The following DCHS2 variants were observed in gnomAD, a reference collection of about 807,000 sequenced individuals.
The protein encoded by DCHS2 is protocadherin-23.
A neutral mutation model predicts 182.4 loss-of-function variants in DCHS2; 142 were observed. The observed-to-expected ratio is 0.78, with a 90% CI of 0.68 to 0.89. The LOEUF (loss-of-function observed/expected upper bound fraction) is 0.89. Among genes scored for constraint, DCHS2 ranks in the 40% least tolerant of loss-of-function variants. The probability of loss-of-function intolerance (pLI) is 0.00; values close to 1 mark genes in which losing one functional copy is unlikely to be tolerated. For synonymous variants in DCHS2, 1,740 were observed against 1,663.3 expected (o/e 1.05, Z -1.12); for missense variants, 4,319 against 4,198.6 (o/e 1.03, Z -0.79).
chr4:154,379,735 G>C (rs1204778800), intron 1 of DCHS2, among the ~76,000 whole-genome samples: 1 of 152,086 alleles, frequency 6.6e-6, no homozygotes, highest in African/African-American at 2.4e-5. Context: ...ATACATGCAG[G>C]AGCTACAACT....
Position 154,297,958 on chromosome 4 carries a change from G to C in DCHS2, c.6356C>G (p.Ala2119Gly). Residue 2119 changes from alanine (A) to glycine (G), a missense_variant, in exon 13 of 20, where the codon GCC (alanine) becomes GGC (glycine). Physicochemically the swap from Ala to Gly is moderately conservative, Grantham distance 60. Coordinates refer to ENST00000357232, the MANE Select transcript of DCHS2 (RefSeq NM_001358235.2). ...GACCAAGAGACCCGTGGTTGTCCTG[G>C]CTGGAATGCCCTGGTCTGTAACTTT... ...QLKVTDQGIP[A>G]RTTTGLLVIH... The C allele has an allele frequency of 6.2e-7, 1 of 1,614,080 alleles. No homozygotes were observed. The highest frequency in any genetic ancestry group is 8.5e-7 in the Non-Finnish European group (1 of 1,179,992).
At position 154,483,664 on chromosome 4, in the gene DCHS2, A is replaced by G. The variant is rs546382927; in HGVS notation, c.2052+5640T>C. 2.6e-5 allele frequency among the ~76,000 whole-genome samples: 4 copies of G among 152,330 alleles called. No homozygotes were observed. In the East Asian group the frequency reaches 5.8e-4, roughly 22 times the overall value. On this transcript the variant is annotated intron_variant, in intron 1 of 19. Coordinates refer to ENST00000357232, the MANE Select transcript of DCHS2 (RefSeq NM_001358235.2). ...GTGCCTTAATGCCTGGGACTGTGGC[A>G]TGGGAGGCTGAATATCTCAGAAGCT... is the stretch of plus-strand genomic sequence containing the variant.
At chr4:154,357,251 T>TAAAAAAACAGTAA in intron 3 of DCHS2, 1 of 1,613,430 alleles carries the variant, frequency 6.2e-7, no homozygotes, top group East Asian at 2.2e-5. Flanking sequence ...AAAACATCTC[T>TAAAAAAACAGTAA]AAACTGTTCA....
At chr4:154,399,898 C>G (rs1188432059) in intron 1 of DCHS2, among the ~76,000 whole-genome samples, 1 of 152,184 alleles carries the variant, frequency 6.6e-6, no homozygotes, top group African/African-American at 2.4e-5. Flanking sequence ...TGTGAATGAG[C>G]TGTGAGAGGG....
chr4:154,256,592 C>T (rs558328707), intron 15 of DCHS2, among the ~76,000 whole-genome samples: 5 of 152,268 alleles, frequency 3.3e-5, no homozygotes, highest in African/African-American at 1.2e-4. Flanking sequence ...TTGCAATAAA[C>T]TTTAATCACT....
At chr4:154,278,859 C>T (rs181568562) in intron 13 of DCHS2, among the ~76,000 whole-genome samples, 20 of 152,068 alleles carry the variant, frequency 1.3e-4, no homozygotes, top group Admixed American at 4.6e-4. Flanking sequence ...GTCTATTAAA[C>T]CTGCCTTACA....
At position 154,332,831 on chromosome 4, in the gene DCHS2, G is replaced by C; in HGVS notation, c.3377C>G (p.Pro1126Arg). 6.2e-7 allele frequency: 1 copy of C among 1,614,210 alleles called. No individual in the cohort carries two copies. Residue 1126 changes from proline to arginine, a missense_variant, in exon 5 of 20, where the codon CCC becomes CGC. Coordinates refer to ENST00000357232, the MANE Select transcript of DCHS2 (RefSeq NM_001358235.2). ...AASPLRYSLE[P>R]SVDSAMFGIR... is the part of the protein sequence containing the mutation. The stretch of plus-strand genomic sequence containing the variant: ...TCCAAACATAGCAGAGTCTACGCTG[G>C]GTTCCAGCGAGTACCTAAGAGGCGA...
At chr4:154,381,319 ATATT>A (rs1203066304) in intron 1 of DCHS2, among the ~76,000 whole-genome samples, 1 of 152,088 alleles carries the variant, frequency 6.6e-6, no homozygotes, top group Non-Finnish European at 1.5e-5. Flanking sequence ...AAATATCAAT[ATATT>A]ATTAAAATCC....
At chr4:154,292,992 C>A (rs1237128187) in intron 13 of DCHS2, among the ~76,000 whole-genome samples, 2 of 152,216 alleles carry the variant, frequency 1.3e-5, no homozygotes, top group Non-Finnish European at 2.9e-5. Context: ...CCCTAGCCCT[C>A]CAACTCAATC....
intron 1 of DCHS2, among the ~76,000 whole-genome samples, chr4:154,396,804 C>T (rs76947272): frequency 0.013 from 1,958 of 152,236 alleles, 37 homozygotes; most frequent in African/African-American, 0.045. Flanking sequence ...AGGCCCAATG[C>T]AATTTTTACC....
intron 3 of DCHS2, among the ~76,000 whole-genome samples, chr4:154,348,036 C>A (rs900084187): frequency 1.3e-5 from 2 of 152,048 alleles, no homozygotes; most frequent in East Asian, 3.9e-4. Context: ...ATTTCAAAAT[C>A]TTTTCAATAA....
intron 1 of DCHS2, among the ~76,000 whole-genome samples, chr4:154,411,756 G>A (rs1156984975): frequency 6.6e-6 from 1 of 152,154 alleles, no homozygotes; most frequent in Non-Finnish European, 1.5e-5. Context: ...TATGTGAGAT[G>A]ATGAATGTTA....
At chr4:154,383,685 C>T (rs1299408727) in intron 1 of DCHS2, among the ~76,000 whole-genome samples, 2 of 152,020 alleles carry the variant, frequency 1.3e-5, no homozygotes, top group African/African-American at 4.8e-5. Flanking sequence ...GATAATAGGG[C>T]TTCCTCCCCT....
intron 2 of DCHS2, chr4:154,373,837 A>T: frequency 9.0e-7 from 1 of 1,114,212 alleles, no homozygotes; most frequent in Non-Finnish European, 1.3e-6. Context: ...CTCAGGGGAG[A>T]AGGAAAACTC....
At chr4:154,275,177 T>C (rs974248377) in intron 13 of DCHS2, among the ~76,000 whole-genome samples, 1 of 151,826 alleles carries the variant, frequency 6.6e-6, no homozygotes, top group Admixed American at 6.6e-5. Context: ...TCACTGTAAA[T>C]ATTAAAGGAA....
intron 3 of DCHS2, among the ~76,000 whole-genome samples, chr4:154,337,165 T>G (rs760079779): frequency 1.3e-5 from 2 of 152,154 alleles, no homozygotes; most frequent in African/African-American, 4.8e-5. Flanking sequence ...GCTTTAGTAT[T>G]AAAGTCTCTG....
intron 1 of DCHS2, among the ~76,000 whole-genome samples, chr4:154,390,346 A>C (rs539205087): frequency 1.0e-4 from 14 of 140,386 alleles, no homozygotes; most frequent in African/African-American, 3.2e-4. Context: ...ATTCCCACCT[A>C]TGAGTGAGAA....
rs1729496807 is a variant in DCHS2, at chr4:154,349,301, C to T, written c.2477-14197G>A. Among the ~76,000 whole-genome samples the T allele has an allele frequency of 2.0e-5, 3 of 149,868 alleles. No homozygotes were observed. In the South Asian group the frequency reaches 6.2e-4, roughly 31 times the overall value. Reference sequence around the variant, plus strand: ...TTCTTATCATGCCAGCTAAAATTGGCTCATTTGGGGGTTTGGCTATTTATT... The same window carrying T: ...TTCTTATCATGCCAGCTAAAATTGGTTCATTTGGGGGTTTGGCTATTTATT... On this transcript the variant is annotated intron_variant, in intron 3 of 19. Coordinates refer to ENST00000357232, the MANE Select transcript of DCHS2 (RefSeq NM_001358235.2).
intron 2 of DCHS2, among the ~76,000 whole-genome samples, chr4:154,371,276 A>T (rs1730632448): frequency 6.6e-6 from 1 of 151,862 alleles, no homozygotes; most frequent in Admixed American, 6.6e-5. Flanking sequence ...TTCGTTTTTG[A>T]TGGAGAAAGG....
Sources: gnomAD v4.1 joint callset for allele counts (sites outside exome capture counted in the v4.1 genomes callset) on GRCh38, gnomAD v4.1.1 for gene constraint, MANE v1.5 for transcripts, NCBI Gene and HGNC (gene_info 2026-07-23, HGNC 2026-07-21) for gene names.